The following LGSN variants were observed in gnomAD, a reference collection of about 807,000 sequenced individuals.
LGSN encodes lengsin.
A neutral mutation model predicts 19.5 loss-of-function variants in LGSN; 21 were observed. The observed-to-expected ratio is 1.07, with a 90% CI of 0.76 to 1.55. The LOEUF is 1.55. LGSN is among the 40% of genes most tolerant of loss of function. LGSN has a pLI of 0.00. For missense variants in LGSN, 673 were observed against 608.5 expected (o/e 1.11, Z -1.12); for synonymous variants, 257 against 215.6 (o/e 1.19, Z -1.68).
the LGSN span, among the ~76,000 whole-genome samples, chr6:63,450,955 G>A: frequency 2.0e-5 from 3 of 152,144 alleles, no homozygotes; most frequent in Admixed American, 6.5e-5. Flanking sequence ...GATTACAGGT[G>A]TGAGCCACCA....
At position 63,279,931 on chromosome 6, in the gene LGSN, T is replaced by G; in HGVS notation, c.*90A>C. The G allele has an allele frequency of 8.3e-7, 1 of 1,202,580 alleles. No homozygotes were observed. Among genetic ancestry groups the G allele is most frequent in the Non-Finnish European group, 1.2e-6 (1 of 854,594 alleles). The allele number at this position is 1,202,580 out of a possible 1,614,324, so 74.5% of individuals were successfully genotyped here. On this transcript the variant is annotated 3_prime_UTR_variant, in exon 4 of 4. Coordinates refer to ENST00000370657, the MANE Select transcript of LGSN (RefSeq NM_016571.3). ...ATTCGTAATCTTGTTATTGTTGCTG[T>G]TGTTAATTACAAAAGTTCAGTCTTT... is the stretch of plus-strand genomic sequence containing the variant.
the LGSN span, among the ~76,000 whole-genome samples, chr6:63,488,089 G>C: frequency 1.3e-5 from 2 of 152,016 alleles, no homozygotes; most frequent in South Asian, 2.1e-4. Flanking sequence ...CATCAGGGAA[G>C]TTTTTCCATA....
At chr6:63,387,930 A>G in the LGSN span, among the ~76,000 whole-genome samples, 425 of 151,904 alleles carry the variant, frequency 2.8e-3, 4 homozygotes, top group African/African-American at 9.7e-3. Flanking sequence ...CAGTGGCACA[A>G]TCTTGGCTCA....
chr6:63,525,462 C>G, the LGSN span, among the ~76,000 whole-genome samples: 4 of 152,222 alleles, frequency 2.6e-5, no homozygotes, highest in African/African-American at 9.6e-5. Flanking sequence ...TTCACGCCAG[C>G]AGTTCTAGCT....
chr6:63,412,467 A>G, the LGSN span, among the ~76,000 whole-genome samples: 3 of 137,316 alleles, frequency 2.2e-5, no homozygotes, highest in African/African-American at 9.2e-5. Flanking sequence ...AGAAAGAAAA[A>G]GAGAGAGAAG....
the LGSN span, among the ~76,000 whole-genome samples, chr6:63,370,630 T>C: frequency 6.6e-6 from 1 of 152,212 alleles, no homozygotes; most frequent in Non-Finnish European, 1.5e-5. Context: ...ATCTCAAAGA[T>C]GCTCTCCTCA....
the LGSN span, among the ~76,000 whole-genome samples, chr6:63,500,750 CAG>C: frequency 1.4e-5 from 2 of 147,240 alleles, no homozygotes; most frequent in African/African-American, 5.0e-5. Flanking sequence ...TTTTTTGAGA[CAG>C]AGTCTCACTC....
the LGSN span, among the ~76,000 whole-genome samples, chr6:63,451,468 T>C: frequency 2.0e-5 from 3 of 152,182 alleles, no homozygotes; most frequent in African/African-American, 7.2e-5. Flanking sequence ...GAGGCCATTA[T>C]CCTTAGCAAA....
chr6:63,480,832 A>C, the LGSN span, among the ~76,000 whole-genome samples: 2 of 151,226 alleles, frequency 1.3e-5, no homozygotes, highest in African/African-American at 4.9e-5. Flanking sequence ...GAAAAAAAAA[A>C]AAAAAAACTT....
At chr6:63,360,329 G>A in the LGSN span, among the ~76,000 whole-genome samples, 4 of 152,156 alleles carry the variant, frequency 2.6e-5, no homozygotes, top group Non-Finnish European at 4.4e-5. Context: ...TTTTCATGTA[G>A]TCTCATATTT....
At chr6:63,481,381 C>T in the LGSN span, among the ~76,000 whole-genome samples, 1 of 149,416 alleles carries the variant, frequency 6.7e-6, no homozygotes, top group Non-Finnish European at 1.5e-5. Context: ...CTGGCTCTGT[C>T]GCCCAGGCTG....
chr6:63,520,196 G>T, the LGSN span, among the ~76,000 whole-genome samples: 1 of 151,996 alleles, frequency 6.6e-6, no homozygotes, highest in South Asian at 2.1e-4. Flanking sequence ...AGTCTTCATT[G>T]ATTCTACAAT....
chr6:63,527,471 T>C, the LGSN span, among the ~76,000 whole-genome samples: 11 of 152,186 alleles, frequency 7.2e-5, no homozygotes, highest in Non-Finnish European at 1.3e-4. Flanking sequence ...ATGTTGTAGA[T>C]ATCTCAAAAG....
the LGSN span, among the ~76,000 whole-genome samples, chr6:63,568,259 A>C: frequency 6.6e-6 from 1 of 152,058 alleles, no homozygotes; most frequent in African/African-American, 2.4e-5. Context: ...CAGCTTAATC[A>C]TTTTTAGCTT....
At chr6:63,286,994 A>G (rs556417938) in intron 2 of LGSN, among the ~76,000 whole-genome samples, 1 of 152,286 alleles carries the variant, frequency 6.6e-6, no homozygotes, top group South Asian at 2.1e-4. Context: ...GCATCCAAAC[A>G]CCCATCAATC....
the LGSN span, among the ~76,000 whole-genome samples, chr6:63,384,757 G>A: frequency 1.3e-5 from 2 of 152,104 alleles, no homozygotes; most frequent in African/African-American, 2.4e-5. Context: ...CTGACCTCAG[G>A]TGATCCCGCC....
chr6:63,334,861 G>A, the LGSN span, among the ~76,000 whole-genome samples: 1 of 152,050 alleles, frequency 6.6e-6, no homozygotes, highest in African/African-American at 2.4e-5. Flanking sequence ...ACATTGGGCT[G>A]GGCGCAGTGG....
At chr6:63,383,108 A>G in the LGSN span, among the ~76,000 whole-genome samples, 56 of 151,952 alleles carry the variant, frequency 3.7e-4, no homozygotes, top group Non-Finnish European at 1.5e-4. Context: ...TTAAAAGAGC[A>G]GATTTATTTG....
the LGSN span, among the ~76,000 whole-genome samples, chr6:63,407,422 C>T: frequency 6.6e-6 from 1 of 152,266 alleles, no homozygotes; most frequent in East Asian, 1.9e-4. Context: ...GAACCAATGA[C>T]AAAAACCACA....
Sources: allele counts gnomAD v4.1 joint callset (sites outside exome capture counted in the v4.1 genomes callset), GRCh38; gene constraint gnomAD v4.1.1; transcripts MANE v1.5; gene names NCBI Gene and HGNC (gene_info 2026-07-23, HGNC 2026-07-21).